The following MYO1E variants were observed in gnomAD, a reference collection of about 807,000 sequenced individuals.
The protein encoded by MYO1E is unconventional myosin-Ie.
A neutral mutation model predicts 151.1 loss-of-function variants in MYO1E; 68 were observed. The observed-to-expected ratio is 0.45, with a 90% CI of 0.37 to 0.55. MYO1E has a LOEUF of 0.55. Among genes scored for constraint, MYO1E ranks in the 20% least tolerant of loss-of-function variants. The pLI is 0.00. For missense variants in MYO1E, 1,363 were observed against 1,389.3 expected, an observed-to-expected ratio of 0.98 and a Z score of 0.30; for synonymous variants, 601 against 501.7, an observed-to-expected ratio of 1.20 and a Z score of -2.64.
rs905753351 is a variant in MYO1E at position 59,325,137 on chromosome 15, C to T, written c.3+47361G>A. Among the ~76,000 whole-genome samples the T allele has an allele frequency of 5.3e-5, 8 of 152,102 alleles. No homozygotes were observed. In the South Asian group the frequency reaches 1.5e-3, roughly 28 times the overall value. ...GCAACCTCCACCTCCTGGGTTCAAGCGATTCTCCTGCCTCAGCCCTTCCGA... is the reference window on the plus strand; with the variant it reads ...GCAACCTCCACCTCCTGGGTTCAAGTGATTCTCCTGCCTCAGCCCTTCCGA... On this transcript the variant is annotated intron_variant, in intron 1 of 27. Coordinates refer to ENST00000288235, the MANE Select transcript of MYO1E (RefSeq NM_004998.4).
chr15:59,137,286 G>T lies in MYO1E; in HGVS notation c.*94C>A. ...AGCTCCAGGCCTTGGAGAAGCAATT[G>T]CTCATTGTGGATTGTAAGGGGAGCC... is the stretch of plus-strand genomic sequence containing the variant. On this transcript the variant is annotated 3_prime_UTR_variant, in exon 28 of 28. Coordinates refer to ENST00000288235, the MANE Select transcript of MYO1E (RefSeq NM_004998.4). The T allele has an allele frequency of 1.8e-6, 2 of 1,136,718 alleles. No individual in the cohort carries two copies. The highest frequency in any genetic ancestry group is 2.7e-6 in the Non-Finnish European group (2 of 750,616). The allele number at this position is 1,136,718 out of a possible 1,614,324, so 70.4% of individuals were successfully genotyped here.
chr15:59,178,318 C>G (rs564123404), intron 19 of MYO1E, 75 bp downstream of exon 19: 517 of 1,554,644 alleles, frequency 3.3e-4, no homozygotes, highest in Admixed American at 1.0e-3. Context: ...GAAAAAGAAG[C>G]CAGCTGAGGG....
chr15:59,161,526 C>T (rs745765581), intron 23 of MYO1E, among the ~76,000 whole-genome samples: 16 of 152,162 alleles, frequency 1.1e-4, no homozygotes, highest in South Asian at 2.1e-4. Context: ...GTCTCAGAGG[C>T]GCCTGCTGAG....
At chr15:59,250,346 T>G (rs1263241985) in intron 4 of MYO1E, among the ~76,000 whole-genome samples, 1 of 151,936 alleles carries the variant, frequency 6.6e-6, no homozygotes, top group Non-Finnish European at 1.5e-5. Context: ...AGGCAGGCGG[T>G]GCGTGATCGA....
intron 14 of MYO1E, chr15:59,208,180 T>C (rs1300949570): frequency 2.6e-6 from 3 of 1,167,032 alleles, no homozygotes; most frequent in Non-Finnish European, 3.6e-6. Flanking sequence ...TCCTAAAAGA[T>C]GGAAACAGGA....
intron 6 of MYO1E, among the ~76,000 whole-genome samples, chr15:59,231,442 C>G (rs891114617): frequency 6.6e-6 from 1 of 152,222 alleles, no homozygotes; most frequent in African/African-American, 2.4e-5. Flanking sequence ...AAAGCTGCCA[C>G]TTTCATCATT....
At chr15:59,261,740 AT>A (rs1230952597) in intron 2 of MYO1E, among the ~76,000 whole-genome samples, 2 of 152,218 alleles carry the variant, frequency 1.3e-5, no homozygotes, top group African/African-American at 4.8e-5. Context: ...TGAAATCATT[AT>A]TTTAAATGAA....
At chr15:59,223,741 CA>C in intron 8 of MYO1E, among the ~76,000 whole-genome samples, 1 of 152,216 alleles carries the variant, frequency 6.6e-6, no homozygotes, top group East Asian at 1.9e-4. Context: ...ATAAAAGCAT[CA>C]TTTAAAAGTC....
rs7175500 is a variant in MYO1E at position 59,196,874 on chromosome 15, G to A, written c.1699-1307C>T. Among the ~76,000 whole-genome samples the A allele has an allele frequency of 7.3e-3, 1,116 of 152,020 alleles. 21 individuals are homozygous for A. Among genetic ancestry groups the A allele is most frequent in the African/African-American group, 0.022 (925 of 41,480 alleles). ...TTTTTGCAACACATCAGGTGGAGCCGGAGAGGGACTGCAGGGTTGAATATA... is the reference window on the plus strand; with the variant it reads ...TTTTTGCAACACATCAGGTGGAGCCAGAGAGGGACTGCAGGGTTGAATATA... On this transcript the variant is annotated intron_variant, in intron 16 of 27. Transcript: ENST00000288235.
intron 1 of MYO1E, among the ~76,000 whole-genome samples, chr15:59,366,465 T>A (rs1439147039): frequency 6.6e-6 from 1 of 152,080 alleles, no homozygotes; most frequent in Non-Finnish European, 1.5e-5. Context: ...TTTTTAAAAT[T>A]TTTTTTGGTA....
intron 22 of MYO1E, among the ~76,000 whole-genome samples, chr15:59,167,920 C>T (rs1322248549): frequency 2.0e-5 from 3 of 152,118 alleles, no homozygotes; most frequent in Non-Finnish European, 2.9e-5. Flanking sequence ...CTCAAGCAAT[C>T]GGCTCGCCTC....
chr15:59,206,279 T>C (rs1482129627), intron 14 of MYO1E, among the ~76,000 whole-genome samples: 1 of 152,146 alleles, frequency 6.6e-6, no homozygotes, highest in Non-Finnish European at 1.5e-5. Context: ...AGCTAATACA[T>C]GTAGCAGGGT....
At chr15:59,300,371 ATTTCTGGTGTGCACACACACC>A in intron 1 of MYO1E, among the ~76,000 whole-genome samples, 1 of 151,966 alleles carries the variant, frequency 6.6e-6, no homozygotes, top group African/African-American at 2.4e-5. Flanking sequence ...ACACACGGCC[ATTTCTGGTGTGCACACACACC>A]CCCATTCCCA....
At chr15:59,194,003 C>T (rs1170573177) in intron 17 of MYO1E, among the ~76,000 whole-genome samples, 10 of 152,048 alleles carry the variant, frequency 6.6e-5, no homozygotes, top group African/African-American at 2.2e-4. Flanking sequence ...GGTGAAACCC[C>T]ATCTCTACTA....
At chr15:59,323,798 G>A (rs1352825704) in intron 1 of MYO1E, among the ~76,000 whole-genome samples, 1 of 152,098 alleles carries the variant, frequency 6.6e-6, no homozygotes, top group Non-Finnish European at 1.5e-5. Flanking sequence ...AAAATAGCAG[G>A]CTTGGGACAA....
At position 59,208,804 on chromosome 15, in the gene MYO1E, C is replaced by T. The variant is rs746870813; in HGVS notation, c.1407G>A (p.Thr469=). ...IMSILDDVCA[T]MHAVGEGADQ... ...CTGCCCCCTCACCCACCGCATGCAT[C>T]GTGGCGCACACGTCATCCAGGATGC... The change falls in exon 14 of 28, where the codon ACG becomes ACA. Residue 469 remains threonine, a synonymous_variant. Transcript: ENST00000288235. The T allele has an allele frequency of 1.1e-5, 17 of 1,614,098 alleles. No homozygotes were observed. Among genetic ancestry groups the T allele is most frequent in the Non-Finnish European group, 1.4e-5 (16 of 1,180,054 alleles).
In MYO1E at chr15:59,135,645, G is replaced by C. The variant is rs1464948293; in HGVS notation, c.*1735C>G. 6.6e-6 allele frequency: 1 copy of C among 152,222 alleles called. No individual in the cohort carries two copies. The highest frequency in any genetic ancestry group is 2.4e-5 in the African/African-American group (1 of 41,458). 9.4% of individuals were successfully genotyped at this position (152,222 alleles called of 1,614,324 possible). On this transcript the variant is annotated 3_prime_UTR_variant, in exon 28 of 28. Transcript: ENST00000288235. ...AGAATGGAGTTTGCTCCCTGTTCTT[G>C]AAGTAAAACACAGCAGAATTAAATG...
At chr15:59,331,528 A>C (rs1459627046) in intron 1 of MYO1E, among the ~76,000 whole-genome samples, 2 of 151,864 alleles carry the variant, frequency 1.3e-5, no homozygotes, top group South Asian at 2.1e-4. Flanking sequence ...GATCAGATAG[A>C]CTCTCCTCTC....
At chr15:59,303,978 C>G (rs1027207670) in intron 1 of MYO1E, among the ~76,000 whole-genome samples, 1 of 143,688 alleles carries the variant, frequency 7.0e-6, no homozygotes, top group African/African-American at 2.6e-5. Context: ...ATTTTCTTTT[C>G]TTTCTTTTTT....
Sources: gnomAD v4.1 joint callset for allele counts (sites outside exome capture counted in the v4.1 genomes callset) on GRCh38, gnomAD v4.1.1 for gene constraint, MANE v1.5 for transcripts, NCBI Gene and HGNC (gene_info 2026-07-23, HGNC 2026-07-21) for gene names.